PDE3A: variants seen among roughly 807,000 people sequenced by gnomAD.
The protein encoded by PDE3A is phosphodiesterase 3A.
In PDE3A, 43 loss-of-function variants were observed where a neutral mutation model predicts 98.3. That is an observed-to-expected ratio of 0.44 (90% CI 0.34 to 0.56). The LOEUF (loss-of-function observed/expected upper bound fraction) is 0.56, where lower values mean the gene tolerates loss of function less well. PDE3A is among the 20% of genes least tolerant of loss of function. The pLI, the probability that PDE3A is intolerant of heterozygous loss-of-function variation, is 0.01. For synonymous variants in PDE3A, 663 were observed against 567.9 expected, an observed-to-expected ratio of 1.17 and a Z score of -2.38; for missense variants, 1,427 against 1,440.7, an observed-to-expected ratio of 0.99 and a Z score of 0.15.
At chr12:20,463,936 T>A (rs1304136111) in intron 1 of PDE3A, among the ~76,000 whole-genome samples, 1 of 152,164 alleles carries the variant, frequency 6.6e-6, no homozygotes, top group Non-Finnish European at 1.5e-5. Context: ...ACGAAGACCA[T>A]ATGGTATAAA....
chr12:20,500,815 T>G (rs1486053225), intron 1 of PDE3A, among the ~76,000 whole-genome samples: 1 of 150,882 alleles, frequency 6.6e-6, no homozygotes, highest in Admixed American at 6.6e-5. Flanking sequence ...TTGCCCAGGC[T>G]GGAGTACAGT....
At chr12:20,385,813 T>C (rs1376936633) in intron 1 of PDE3A, among the ~76,000 whole-genome samples, 1 of 149,336 alleles carries the variant, frequency 6.7e-6, no homozygotes, top group African/African-American at 2.5e-5. Flanking sequence ...TGGGGAGGTA[T>C]AGCATTAGGA....
intron 1 of PDE3A, among the ~76,000 whole-genome samples, chr12:20,442,184 T>C (rs1273167683): frequency 6.6e-6 from 1 of 152,238 alleles, no homozygotes; most frequent in African/African-American, 2.4e-5. Flanking sequence ...ACCTATTCCA[T>C]ATTAAAATGG....
chr12:20,433,388 A>G (rs1306490297), intron 1 of PDE3A, among the ~76,000 whole-genome samples: 5 of 152,196 alleles, frequency 3.3e-5, no homozygotes, highest in African/African-American at 1.2e-4. Context: ...ATGTAGAAAA[A>G]AATTTGAGAT....
intron 1 of PDE3A, among the ~76,000 whole-genome samples, chr12:20,533,096 C>T (rs1382525808): frequency 1.3e-5 from 2 of 152,144 alleles, no homozygotes; most frequent in Non-Finnish European, 2.9e-5. Context: ...TTTGGAACTT[C>T]AACTATACTA....
intron 1 of PDE3A, among the ~76,000 whole-genome samples, chr12:20,378,065 A>AC (rs1943602733): frequency 2.0e-5 from 3 of 151,766 alleles, no homozygotes; most frequent in Non-Finnish European, 4.4e-5. Flanking sequence ...GTAAAGGGCT[A>AC]ACTTTTCACT....
At chr12:20,578,845 A>G (rs1329613812) in intron 2 of PDE3A, among the ~76,000 whole-genome samples, 1 of 152,128 alleles carries the variant, frequency 6.6e-6, no homozygotes, top group Non-Finnish European at 1.5e-5. Context: ...GTTTCATTTG[A>G]TCACTTCCTA....
chr12:20,503,243 TA>T (rs1946055307), intron 1 of PDE3A, among the ~76,000 whole-genome samples: 2 of 152,038 alleles, frequency 1.3e-5, no homozygotes, highest in African/African-American at 4.8e-5. Context: ...TTTAGAATAC[TA>T]GATAATACTA....
intron 1 of PDE3A, among the ~76,000 whole-genome samples, chr12:20,486,520 A>G (rs1945730510): frequency 6.6e-6 from 1 of 152,162 alleles, no homozygotes; most frequent in Admixed American, 6.5e-5. Flanking sequence ...AAGATTAACA[A>G]TTCTTACTTC....
chr12:20,676,582 CT>C (rs1197588211), intron 15 of PDE3A, among the ~76,000 whole-genome samples: 2 of 147,936 alleles, frequency 1.4e-5, no homozygotes, highest in African/African-American at 5.0e-5. Context: ...TCACTGCAAG[CT>C]CCGCCTCCTG....
At chr12:20,556,037 T>A (rs932000498) in intron 1 of PDE3A, among the ~76,000 whole-genome samples, 1 of 152,182 alleles carries the variant, frequency 6.6e-6, no homozygotes, top group Admixed American at 6.5e-5. Flanking sequence ...TCCTTAATAT[T>A]CTTAATGTTA....
intron 1 of PDE3A, among the ~76,000 whole-genome samples, chr12:20,402,159 C>A (rs947990788): frequency 1.3e-5 from 2 of 151,826 alleles, no homozygotes; most frequent in Non-Finnish European, 2.9e-5. Flanking sequence ...TCCTGGATTT[C>A]TTTTTTTTAA....
chr12:20,428,171 A>C (rs75736365), intron 1 of PDE3A, among the ~76,000 whole-genome samples: 3,148 of 152,302 alleles, frequency 0.021, 93 homozygotes, highest in African/African-American at 0.072. Context: ...CTGAATGTTA[A>C]AATCCCAGAA....
Position 20,686,958 on chromosome 12 carries a change from G to A in PDE3A, c.*6687G>A, listed in dbSNP as rs1945981547. ...CAATTTAGTTACTCTGGAGTGAAAT[G>A]ACTTGTGGATACACTGTTCAACCAT... On this transcript the variant is annotated 3_prime_UTR_variant, in exon 16 of 16. Coordinates refer to ENST00000359062, the MANE Select transcript of PDE3A (RefSeq NM_000921.5). 1.3e-5 allele frequency among the ~76,000 whole-genome samples: 2 copies of A among 152,202 alleles called. No individual in the cohort carries two copies. The highest frequency in any genetic ancestry group is 2.1e-4 in the South Asian group (1 of 4,826).
At chr12:20,644,812 C>T (rs1237748892) in intron 10 of PDE3A, among the ~76,000 whole-genome samples, 4 of 149,212 alleles carry the variant, frequency 2.7e-5, no homozygotes, top group African/African-American at 9.9e-5. Flanking sequence ...AGGATTTGAG[C>T]CTCCTCCTCC....
chr12:20,589,767 G>C (rs1943285213), intron 2 of PDE3A, among the ~76,000 whole-genome samples: 1 of 151,636 alleles, frequency 6.6e-6, no homozygotes, highest in South Asian at 2.1e-4. Flanking sequence ...TACTCGGGAG[G>C]CTGAGGCAGG....
At chr12:20,650,665 C>T (rs1944895908) in intron 14 of PDE3A, 65 bp downstream of exon 14, 3 of 905,112 alleles carry the variant, frequency 3.3e-6, no homozygotes, top group Admixed American at 2.2e-5. Flanking sequence ...TTGCTCAAAG[C>T]TTCTAACAGC....
chr12:20,573,483 A>G (rs1942852297), intron 2 of PDE3A, among the ~76,000 whole-genome samples: 1 of 151,884 alleles, frequency 6.6e-6, no homozygotes, highest in Admixed American at 6.6e-5. Context: ...GACTTGCTGA[A>G]GTCACTGAGC....
At chr12:20,529,803 A>G (rs1946591334) in intron 1 of PDE3A, among the ~76,000 whole-genome samples, 1 of 152,188 alleles carries the variant, frequency 6.6e-6, no homozygotes, top group African/African-American at 2.4e-5. Flanking sequence ...TTACCTAGTT[A>G]TGACAGCTCT....
Sources: gnomAD v4.1 joint callset for allele counts (sites outside exome capture counted in the v4.1 genomes callset) on GRCh38, gnomAD v4.1.1 for gene constraint, MANE v1.5 for transcripts, NCBI Gene and HGNC (gene_info 2026-07-23, HGNC 2026-07-21) for gene names.